The following ANKRD12 variants were observed in gnomAD, a reference collection of about 807,000 sequenced individuals.
The protein encoded by ANKRD12 is ankyrin repeat domain-containing protein 12.
Under a neutral mutation model 183.4 loss-of-function variants are expected in ANKRD12, and 85 were observed. That is an observed-to-expected ratio of 0.46 (90% confidence interval 0.39 to 0.56). The LOEUF (loss-of-function observed/expected upper bound fraction) is 0.56, where lower values mean the gene tolerates loss of function less well. Ranked by LOEUF, ANKRD12 falls within the 20% of genes least tolerant of loss-of-function variation. The pLI, the probability that ANKRD12 is intolerant of heterozygous loss-of-function variation, is 0.00. For missense variants in ANKRD12, 2,405 were observed against 2,357.1 expected (o/e 1.02, Z -0.42); for synonymous variants, 914 against 800.2 (o/e 1.14, Z -2.40).
At chr18:9,222,348 A>T (rs901659449) in intron 8 of ANKRD12, among the ~76,000 whole-genome samples, 1 of 152,186 alleles carries the variant, frequency 6.6e-6, no homozygotes, top group African/African-American at 2.4e-5. Context: ...CAGAGCTACT[A>T]ACCAAACACT....
At chr18:9,232,549 AT>A (rs781729043) in intron 8 of ANKRD12, among the ~76,000 whole-genome samples, 51 of 152,050 alleles carry the variant, frequency 3.4e-4, no homozygotes, top group African/African-American at 1.2e-3. Context: ...GTGTTTTAGA[AT>A]TTTCTCTCTG....
chr18:9,256,217 T>A lies in ANKRD12; in HGVS notation c.2950T>A (p.Ser984Thr), dbSNP rs146421833. Reference protein sequence around the residue: ...NSKHIQEEKKSSIVDGNKAQH... With the variant: ...NSKHIQEEKKTSIVDGNKAQH... ...CAAACACATACAGGAAGAAAAAAAA[T>A]CAAGTATAGTAGACGGTAATAAAGC... Residue 984 changes from serine (S) to threonine (T), a missense_variant, in exon 9 of 13, where the codon TCA (serine) becomes ACA (threonine). By Grantham distance (58) the Ser-to-Thr change is moderately conservative (BLOSUM62 1). Coordinates refer to ENST00000262126, the MANE Select transcript of ANKRD12 (RefSeq NM_015208.5). 8 of 1,573,326 alleles carry A rather than the reference T, an allele frequency of 5.1e-6. No individual in the cohort carries two copies. In the Admixed American group the frequency reaches 1.0e-4, roughly 20 times the overall value.
chr18:9,144,075 G>A (rs2143405107), intron 1 of ANKRD12, among the ~76,000 whole-genome samples: 1 of 152,124 alleles, frequency 6.6e-6, no homozygotes, highest in East Asian at 1.9e-4. Context: ...TAATGCATGA[G>A]GAAATAATCA....
At chr18:9,169,255 G>T (rs1168562288) in intron 1 of ANKRD12, among the ~76,000 whole-genome samples, 1 of 152,230 alleles carries the variant, frequency 6.6e-6, no homozygotes, top group African/African-American at 2.4e-5. Context: ...GCTGAGTTCA[G>T]TTCCTGGGTA....
intron 2 of ANKRD12, among the ~76,000 whole-genome samples, chr18:9,185,268 G>T (rs964918210): frequency 3.3e-5 from 5 of 152,180 alleles, no homozygotes; most frequent in African/African-American, 9.7e-5. Flanking sequence ...GGAGGGAAGG[G>T]TCATAGAAAG....
At chr18:9,157,583 G>A (rs55815402) in intron 1 of ANKRD12, among the ~76,000 whole-genome samples, 59,199 of 98,926 alleles carry the variant, frequency 0.6, 17,501 homozygotes, top group South Asian at 0.74. Flanking sequence ...GTGTGTGTGT[G>A]TGTATATATA....
rs188181586 is a variant in ANKRD12, at chr18:9,180,248, G to A, written c.-51-2134G>A. On this transcript the variant is annotated intron_variant, in intron 1 of 12. Transcript: ENST00000262126. ...TCGTTCTGAAGTCTGTTTTGTCGAT[G>A]TTGTTAATATAGCCACTCAAGCTTG... Among the ~76,000 whole-genome samples, 39 of 152,202 alleles carry A rather than the reference G, an allele frequency of 2.6e-4. No homozygotes were observed. The Middle Eastern group carries it at 0.014, about 53-fold the overall frequency.
chr18:9,150,478 T>C (rs948769385), intron 1 of ANKRD12, among the ~76,000 whole-genome samples: 6 of 152,186 alleles, frequency 3.9e-5, no homozygotes, highest in South Asian at 2.1e-4. Flanking sequence ...TAGAGAACTT[T>C]ATAAAATAGA....
At chr18:9,237,253 G>A (rs1329354252) in intron 8 of ANKRD12, among the ~76,000 whole-genome samples, 2 of 152,160 alleles carry the variant, frequency 1.3e-5, no homozygotes, top group East Asian at 3.8e-4. Flanking sequence ...GATAGGATAT[G>A]AACAAGATCT....
chr18:9,144,381 T>C (rs569349300), intron 1 of ANKRD12, among the ~76,000 whole-genome samples: 2 of 152,288 alleles, frequency 1.3e-5, no homozygotes, highest in Admixed American at 6.5e-5. Flanking sequence ...CCCAGAAGAA[T>C]AGGCTCTGTC....
intron 3 of ANKRD12, 126 bp from the exon 4 acceptor site, chr18:9,204,350 A>G (rs2035358713): frequency 1.4e-6 from 1 of 706,972 alleles, no homozygotes; most frequent in Non-Finnish European, 2.4e-6. Flanking sequence ...TTACTTTAAA[A>G]ATAATCTTTT....
At chr18:9,226,834 T>C (rs1254378702) in intron 8 of ANKRD12, among the ~76,000 whole-genome samples, 2 of 151,892 alleles carry the variant, frequency 1.3e-5, no homozygotes, top group South Asian at 4.1e-4. Context: ...TTAAAAAAAA[T>C]AAAGCCAGTT....
intron 9 of ANKRD12, among the ~76,000 whole-genome samples, chr18:9,260,871 A>G (rs2038925316): frequency 6.6e-6 from 1 of 152,106 alleles, no homozygotes. Flanking sequence ...TTGTAACTGC[A>G]TAGCTCCACC....
Position 9,254,706 on chromosome 18 carries a change from A to G in ANKRD12, c.1439A>G (p.Asn480Ser), listed in dbSNP as rs1277496377. ...GTTAAAAGAAAATTGAAAAATCAGAATAAAAATAAAGAGAACCAAGAGCTA... is the reference window on the plus strand; with the variant it reads ...GTTAAAAGAAAATTGAAAAATCAGAGTAAAAATAAAGAGAACCAAGAGCTA... Reference protein sequence around the residue: ...GKVKRKLKNQNKNKENQELKQ... With the variant: ...GKVKRKLKNQSKNKENQELKQ... The change falls in exon 9 of 13, where the codon AAT (asparagine) becomes AGT (serine). Residue 480 changes from asparagine (N) to serine (S), a missense_variant. By Grantham distance (46) the Asn-to-Ser change is conservative. Coordinates refer to ENST00000262126, the MANE Select transcript of ANKRD12 (RefSeq NM_015208.5). 6.6e-7 allele frequency: 1 copy of G among 1,520,420 alleles called. No individual in the cohort carries two copies. The highest frequency in any genetic ancestry group is 1.3e-5 in the South Asian group (1 of 75,452). The allele number at this position is 1,520,420 out of a possible 1,614,324, so 94.2% of individuals were successfully genotyped here. A position where few individuals can be genotyped will look rare whatever the true frequency, so the allele number is the denominator to read the frequency against.
Position 9,224,267 on chromosome 18 carries a change from A to G in ANKRD12, c.943+2268A>G, listed in dbSNP as rs576783029. Among the ~76,000 whole-genome samples, 27 of 152,342 alleles carry G rather than the reference A, an allele frequency of 1.8e-4. 1 individual carries two copies. The South Asian group carries it at 5.4e-3, about 30-fold the overall frequency. On this transcript the variant is annotated intron_variant, in intron 8 of 12. Transcript: ENST00000262126. The stretch of plus-strand genomic sequence containing the variant: ...CAAAAAAAAATTAAAAATGATAAAC[A>G]CAGAGCAGACAGAAACACAGACTGA...
intron 8 of ANKRD12, among the ~76,000 whole-genome samples, chr18:9,242,473 T>A (rs1354624966): frequency 7.0e-6 from 1 of 143,780 alleles, no homozygotes; most frequent in Non-Finnish European, 1.6e-5. Context: ...CAAAAAAAAA[T>A]GAGTTCAGCT....
intron 10 of ANKRD12, among the ~76,000 whole-genome samples, chr18:9,271,331 C>A (rs2039591470): frequency 6.6e-6 from 1 of 152,108 alleles, no homozygotes; most frequent in South Asian, 2.1e-4. Flanking sequence ...CGAGACCATC[C>A]TGGCTAACAT....
intron 8 of ANKRD12, among the ~76,000 whole-genome samples, chr18:9,223,664 A>G (rs1036186303): frequency 2.6e-5 from 4 of 152,212 alleles, no homozygotes; most frequent in Admixed American, 6.5e-5. Context: ...TAAGAAAAGT[A>G]TACTGCCTTA....
Position 9,256,063 on chromosome 18 carries a change from GAAA to G in ANKRD12, c.2802_2804del (p.Lys934del). On this transcript the variant is annotated inframe_deletion, in exon 9 of 13. Transcript: ENST00000262126. Reference sequence around the variant, plus strand: ...AAAGCAAAGAAAAGCACTTGATGGAGAAAAAAAATAAACAATCAGATAATAGTG... The same window carrying G: ...AAAGCAAAGAAAAGCACTTGATGGAGAAAAATAAACAATCAGATAATAGTG... The G allele has an allele frequency of 6.5e-7, 1 of 1,549,632 alleles. No individual in the cohort carries two copies. The highest frequency in any genetic ancestry group is 8.7e-7 in the Non-Finnish European group (1 of 1,154,488).
Sources: allele counts gnomAD v4.1 joint callset (sites outside exome capture counted in the v4.1 genomes callset), GRCh38; gene constraint gnomAD v4.1.1; transcripts MANE v1.5; gene names NCBI Gene and HGNC (gene_info 2026-07-23, HGNC 2026-07-21).